BOC: variants seen among roughly 807,000 people sequenced by gnomAD.
BOC encodes BOC cell adhesion associated, oncogene regulated.
Under a neutral mutation model 112.0 loss-of-function variants are expected in BOC, and 76 were observed. The observed-to-expected ratio is 0.68, with a 90% CI of 0.56 to 0.82. The LOEUF (loss-of-function observed/expected upper bound fraction) is 0.82, where lower values mean the gene tolerates loss of function less well. Among genes scored for constraint, BOC ranks in the 40% least tolerant of loss-of-function variants. The pLI, the probability that BOC is intolerant of heterozygous loss-of-function variation, is 0.00. For missense variants in BOC, 1,309 were observed against 1,511.7 expected, an observed-to-expected ratio of 0.87 and a Z score of 2.22; for synonymous variants, 580 against 599.8, an observed-to-expected ratio of 0.97 and a Z score of 0.48.
intron 14 of BOC, 113 bp from the exon 15 acceptor site, chr3:113,280,918 C>T (rs2107726020): frequency 2.1e-6 from 3 of 1,416,932 alleles, no homozygotes; most frequent in Non-Finnish European, 2.9e-6. Flanking sequence ...GCCCCTGTGC[C>T]AGTCAGTGGC....
chr3:113,283,470 C>G lies in BOC; in HGVS notation c.2494C>G (p.Pro832Ala), dbSNP rs747844421. Residue 832 changes from proline (P) to alanine (A), a missense_variant, in exon 16 of 20, where the codon CCG (proline) becomes GCG (alanine). Pro to Ala is a conservative substitution (Grantham distance 27, BLOSUM62 -1). Transcript: ENST00000682979. ...ACCCCCAACTCTGGCCCCACCACAG[C>G]CGCCCCTTCCTGAAACCATAGAGCG... is the stretch of plus-strand genomic sequence containing the variant. ...LPPPTLAPPQ[P>A]PLPETIERPV... The G allele has an allele frequency of 2.5e-6, 4 of 1,613,920 alleles. No homozygotes were observed. The East Asian group carries it at 8.9e-5, about 36-fold the overall frequency.
intron 4 of BOC, chr3:113,262,003 C>T (rs188428879): frequency 6.6e-6 from 1 of 152,154 alleles, no homozygotes; most frequent in Admixed American, 6.5e-5. Context: ...TCTTCCTCCC[C>T]ATGGAAACTG....
rs866585107 is a variant in BOC at position 113,240,528 on chromosome 3, C to A, written c.-81-9194C>A. Among the ~76,000 whole-genome samples, 3 of 152,280 alleles carry A rather than the reference C, an allele frequency of 2.0e-5. No individual in the cohort carries two copies. The South Asian group carries it at 6.2e-4, about 32-fold the overall frequency. On this transcript the variant is annotated intron_variant, in intron 2 of 19. Coordinates refer to ENST00000682979, the MANE Select transcript of BOC (RefSeq NM_001378074.1). Reference sequence around the variant, plus strand: ...TAGGAGCATGTATTCATTCAGGAACCATTTATTGAGCTCCTTCTATGTGTT... The same window carrying A: ...TAGGAGCATGTATTCATTCAGGAACAATTTATTGAGCTCCTTCTATGTGTT...
intron 4 of BOC, among the ~76,000 whole-genome samples, chr3:113,263,492 T>G (rs988414030): frequency 2.6e-5 from 4 of 152,206 alleles, no homozygotes; most frequent in African/African-American, 9.7e-5. Context: ...AGAATCGAAC[T>G]TCAATTTGCA....
At chr3:113,227,847 A>T (rs1189150907) in intron 2 of BOC, among the ~76,000 whole-genome samples, 2 of 152,104 alleles carry the variant, frequency 1.3e-5, no homozygotes, top group Non-Finnish European at 2.9e-5. Flanking sequence ...TTCAGCAGTT[A>T]TCAAGACAAA....
chr3:113,274,416 G>T lies in BOC; in HGVS notation c.1276G>T (p.Gly426Cys). The change falls in exon 9 of 20, where the codon GGC (glycine) becomes TGC (cysteine). Residue 426 changes from glycine to cysteine, a missense_variant. Transcript: ENST00000682979. The surrounding 1 kb of genome is among the most constrained non-coding windows in gnomAD (Gnocchi z 4.8). The part of the protein sequence containing the change: ...RLWQDAELAT[G>C]TPPVSPSKLG... The stretch of plus-strand genomic sequence containing the variant: ...ATGGCAGGATGCTGAGCTGGCTACT[G>T]GCACACCTCCTGTATCACCCTCCAA... 6.3e-7 allele frequency: 1 copy of T among 1,579,770 alleles called. No individual in the cohort carries two copies. Among genetic ancestry groups the T allele is most frequent in the Non-Finnish European group, 8.6e-7 (1 of 1,157,964 alleles).
intron 2 of BOC, among the ~76,000 whole-genome samples, chr3:113,237,760 T>C (rs1029720320): frequency 3.9e-5 from 6 of 152,138 alleles, no homozygotes; most frequent in Non-Finnish European, 1.5e-5. Flanking sequence ...GGAAAAAAAA[T>C]TGGTTCCACC....
At chr3:113,263,278 C>T (rs1947093079) in intron 4 of BOC, among the ~76,000 whole-genome samples, 2 of 152,202 alleles carry the variant, frequency 1.3e-5, no homozygotes, top group Non-Finnish European at 2.9e-5. Context: ...CCCATCCAGA[C>T]CTCTGTAGAG....
intron 4 of BOC, among the ~76,000 whole-genome samples, chr3:113,262,167 CAT>C (rs1174629383): frequency 2.0e-5 from 3 of 152,164 alleles, no homozygotes; most frequent in Non-Finnish European, 2.9e-5. Flanking sequence ...AGACAGCAAA[CAT>C]ATTTATCCAG....
intron 2 of BOC, among the ~76,000 whole-genome samples, chr3:113,240,938 T>G (rs1944210550): frequency 6.6e-6 from 1 of 152,176 alleles, no homozygotes; most frequent in Admixed American, 6.5e-5. Flanking sequence ...CCTAATGCCC[T>G]TAGCTTGGCT....
chr3:113,236,275 CCCATGGGTATATATATATATATATATATA>C (rs1559821453), intron 2 of BOC, among the ~76,000 whole-genome samples: 3 of 61,448 alleles, frequency 4.9e-5, no homozygotes, highest in Admixed American at 1.9e-4. Flanking sequence ...TGTATATATA[CCCATGGGTATATATATATATATATATATA>C]TATATATACC....
chr3:113,250,632 G>T lies in BOC; in HGVS notation c.175G>T (p.Val59Leu). 6.2e-7 allele frequency: 1 copy of T among 1,614,234 alleles called. No homozygotes were observed. The highest frequency in any genetic ancestry group is 2.2e-5 in the East Asian group (1 of 44,894). Residue 59 changes from valine to leucine, a missense_variant, in exon 4 of 20, where the codon GTG (valine) becomes TTG (leucine). By Grantham distance (32) the Val-to-Leu change is conservative (BLOSUM62 1). Coordinates refer to ENST00000682979, the MANE Select transcript of BOC (RefSeq NM_001378074.1). The part of the protein sequence containing the change: ...PGGTVILGCV[V>L]EPPRMNVTWR... ...AGGCACTGTGATCTTGGGCTGCGTG[G>T]TGGAACCTCCAAGGATGAATGTAAC...
intron 19 of BOC, among the ~76,000 whole-genome samples, 192 bp from the exon 20 acceptor site, chr3:113,286,483 A>G (rs1224582361): frequency 6.6e-6 from 1 of 151,992 alleles, no homozygotes; most frequent in East Asian, 1.9e-4. Context: ...AATGGGTGGC[A>G]AGTGGCCCTC....
chr3:113,283,503 G>C lies in BOC; in HGVS notation c.2527G>C (p.Gly843Arg), dbSNP rs766681044. The C allele has an allele frequency of 1.2e-6, 2 of 1,614,016 alleles. No individual in the cohort carries two copies. The highest frequency in any genetic ancestry group is 1.6e-4 in the Middle Eastern group (1 of 6,062). ...TCCTGAAACCATAGAGCGGCCGGTG[G>C]GCACTGGGGCCATGGTGGCTCGCTC... ...PLPETIERPVGTGAMVARSSD... is the reference protein window; with the variant it reads ...PLPETIERPVRTGAMVARSSD... The change falls in exon 16 of 20, where the codon GGC becomes CGC. Residue 843 changes from glycine (G) to arginine (R), a missense_variant. Physicochemically the swap from Gly to Arg is moderately radical, Grantham distance 125. Coordinates refer to ENST00000682979, the MANE Select transcript of BOC (RefSeq NM_001378074.1).
chr3:113,280,131 C>A, intron 13 of BOC, 126 bp downstream of exon 13: 1 of 1,012,460 alleles, frequency 9.9e-7, no homozygotes, highest in African/African-American at 1.6e-5. Context: ...ATTTGGGAGG[C>A]TCTTAGTGGC....
At chr3:113,282,322 A>G (rs1374147478) in intron 15 of BOC, among the ~76,000 whole-genome samples, 1 of 152,132 alleles carries the variant, frequency 6.6e-6, no homozygotes, top group Non-Finnish European at 1.5e-5. Context: ...GGTAAAGAGA[A>G]GGGATGGGTT....
At position 113,250,645 on chromosome 3, in the gene BOC, G is replaced by A. The variant is rs759200638; in HGVS notation, c.188G>A (p.Arg63Lys). The change falls in exon 4 of 20, where the codon AGG becomes AAG. Residue 63 changes from arginine (R) to lysine (K), a missense_variant. Coordinates refer to ENST00000682979, the MANE Select transcript of BOC (RefSeq NM_001378074.1). ...VILGCVVEPP[R>K]MNVTWRLNGK... ...TTGGGCTGCGTGGTGGAACCTCCAA[G>A]GATGAATGTAACCTGGCGCCTGAAT... 19 of 1,614,106 alleles carry A rather than the reference G, an allele frequency of 1.2e-5. No individual in the cohort carries two copies. In the South Asian group the frequency reaches 2.1e-4, roughly 18 times the overall value.
chr3:113,283,771 A>G (rs575589343), intron 16 of BOC, 139 bp downstream of exon 16: 204 of 757,008 alleles, frequency 2.7e-4, no homozygotes, highest in Middle Eastern at 1.9e-3. Flanking sequence ...AGAACACCCA[A>G]CGACTGGGCC....
At position 113,280,660 on chromosome 3, in the gene BOC, G is replaced by C; in HGVS notation, c.2308G>C (p.Glu770Gln). The C allele has an allele frequency of 6.3e-7, 1 of 1,593,022 alleles. No homozygotes were observed. The highest frequency in any genetic ancestry group is 8.6e-7 in the Non-Finnish European group (1 of 1,160,830). Reference protein sequence around the residue: ...NDSDYKKDMVEGDKYWHSISH... With the variant: ...NDSDYKKDMVQGDKYWHSISH... ...TAGTGACTACAAGAAGGATATGGTGGAAGGTGAGACACAGTTCTGTGTTTA... is the reference window on the plus strand; with the variant it reads ...TAGTGACTACAAGAAGGATATGGTGCAAGGTGAGACACAGTTCTGTGTTTA... The change falls in exon 14 of 20, where the codon GAA (glutamate) becomes CAA (glutamine). Residue 770 changes from glutamate to glutamine, a missense_variant. Physicochemically the swap from Glu to Gln is conservative, Grantham distance 29. Transcript: ENST00000682979.
Sources: allele counts gnomAD v4.1 joint callset (sites outside exome capture counted in the v4.1 genomes callset), GRCh38; gene constraint gnomAD v4.1.1; non-coding constraint Gnocchi (gnomAD v3.1); transcripts MANE v1.5; gene names NCBI Gene and HGNC (gene_info 2026-07-23, HGNC 2026-07-21).